TACSTD2: variants seen among roughly 807,000 people sequenced by gnomAD.
TACSTD2 encodes tumor-associated calcium signal transducer 2.
Under a neutral mutation model 7.9 loss-of-function variants are expected in TACSTD2, and 6 were observed. The ratio of observed to expected loss-of-function variants is 0.76; its 90% confidence interval spans 0.42 to 1.50. TACSTD2 has a LOEUF of 1.50. Ranked by LOEUF, TACSTD2 falls within the 40% of genes most tolerant of loss-of-function variation. The pLI, the probability that TACSTD2 is intolerant of heterozygous loss-of-function variation, is 0.01. For synonymous variants in TACSTD2, 220 were observed against 225.5 expected (o/e 0.98, Z 0.22); for missense variants, 511 against 471.2 (o/e 1.08, Z -0.78).
Position 58,576,053 on chromosome 1 carries a change from G to C in TACSTD2, c.*132C>G, listed in dbSNP as rs1400854547. 3.0e-5 allele frequency: 34 copies of C among 1,142,234 alleles called. No individual in the cohort carries two copies. Among genetic ancestry groups the C allele is most frequent in the Non-Finnish European group, 4.1e-5 (34 of 821,224 alleles). The allele number at this position is 1,142,234 out of a possible 1,614,324, so 70.8% of individuals were successfully genotyped here. A position where few individuals can be genotyped will look rare whatever the true frequency, so the allele number is the denominator to read the frequency against. ...TATTAAACCTGGTGTGTGCGCAAAA[G>C]GGAGGGGGAAGGCAGGAATTTGAAA... On this transcript the variant is annotated 3_prime_UTR_variant, in exon 1 of 1. Coordinates refer to ENST00000371225, the MANE Select transcript of TACSTD2 (RefSeq NM_002353.3).
Position 58,576,509 on chromosome 1 carries a change from G to C in TACSTD2, c.648C>G (p.Asp216Glu). The C allele has an allele frequency of 1.2e-6, 2 of 1,612,466 alleles. No individual in the cohort carries two copies. The highest frequency in any genetic ancestry group is 1.1e-5 in the South Asian group (1 of 90,804). ...AGTAGGCGGCATCGCCGATATCCACGTCACCGGCGGCCTTCTGAGACGTGT... is the reference window on the plus strand; with the variant it reads ...AGTAGGCGGCATCGCCGATATCCACCTCACCGGCGGCCTTCTGAGACGTGT... ...RQNTSQKAAG[D>E]VDIGDAAYYF... The change falls in exon 1 of 1, where the codon GAC becomes GAG. Residue 216 changes from aspartate to glutamate, a missense_variant. Asp to Glu is a conservative substitution (Grantham distance 45). Transcript: ENST00000371225.
Position 58,576,151 on chromosome 1 carries a change from G to A in TACSTD2, c.*34C>T, listed in dbSNP as rs777064392. ...TGGGTCTGGGACGATACCGAAATCC[G>A]GTACCCCACCCCATCCCCTGCCCCG... On this transcript the variant is annotated 3_prime_UTR_variant, in exon 1 of 1. Coordinates refer to ENST00000371225, the MANE Select transcript of TACSTD2 (RefSeq NM_002353.3). The A allele has an allele frequency of 9.3e-6, 15 of 1,606,338 alleles. No homozygotes were observed. In the Admixed American group the frequency reaches 2.4e-4, roughly 25 times the overall value.
Position 58,576,029 on chromosome 1 carries a change from A to G in TACSTD2, c.*156T>C, listed in dbSNP as rs2100529291. On this transcript the variant is annotated 3_prime_UTR_variant, in exon 1 of 1. Transcript: ENST00000371225. The stretch of plus-strand genomic sequence containing the variant: ...AAAGGAGACCCTGAGGCCAGGATCT[A>G]TTAAACCTGGTGTGTGCGCAAAAGG... 1 of 891,064 alleles carries G rather than the reference A, an allele frequency of 1.1e-6. No homozygotes were observed. The highest frequency in any genetic ancestry group is 1.7e-6 in the Non-Finnish European group (1 of 598,236). 55.2% of individuals were successfully genotyped at this position (891,064 alleles called of 1,614,324 possible). A position where few individuals can be genotyped will look rare whatever the true frequency, so the allele number is the denominator to read the frequency against.
chr1:58,576,138 G>C lies in TACSTD2; in HGVS notation c.*47C>G, dbSNP rs368245503. ...AGCGTGACTCACTTGGGTCTGGGAC[G>C]ATACCGAAATCCGGTACCCCACCCC... On this transcript the variant is annotated 3_prime_UTR_variant, in exon 1 of 1. Transcript: ENST00000371225. The C allele has an allele frequency of 1.9e-6, 3 of 1,599,184 alleles. No homozygotes were observed. The highest frequency in any genetic ancestry group is 2.6e-6 in the Non-Finnish European group (3 of 1,173,488).
chr1:58,576,694 G>A lies in TACSTD2; in HGVS notation c.463C>T (p.Leu155Phe). 1.2e-6 allele frequency: 2 copies of A among 1,601,918 alleles called. No homozygotes were observed. Among genetic ancestry groups the A allele is most frequent in the Non-Finnish European group, 1.7e-6 (2 of 1,178,804 alleles). ...CDELVRTHHI[L>F]IDLRHRPTAG... ...GTGGGGCGGTGGCGCAGGTCAATGA[G>A]GATGTGGTGGGTGCGCACCAGCTCA... The change falls in exon 1 of 1, where the codon CTC becomes TTC. Residue 155 changes from leucine (L) to phenylalanine (F), a missense_variant. Transcript: ENST00000371225.
chr1:58,575,882 A>G lies in TACSTD2; in HGVS notation c.*303T>C. On this transcript the variant is annotated 3_prime_UTR_variant, in exon 1 of 1. Transcript: ENST00000371225. ...AACGATCCCGGGTTGTCATACAGAT[A>G]CTTGTTTTTTACACATAACGCTATG... 2.6e-6 allele frequency: 1 copy of G among 384,384 alleles called. No homozygotes were observed. The highest frequency in any genetic ancestry group is 4.7e-6 in the Non-Finnish European group (1 of 212,184). 23.8% of individuals were successfully genotyped at this position (384,384 alleles called of 1,614,324 possible). A position where few individuals can be genotyped will look rare whatever the true frequency, so the allele number is the denominator to read the frequency against.
chr1:58,576,674 G>A lies in TACSTD2; in HGVS notation c.483C>T (p.Arg161=), dbSNP rs1389396159. The A allele has an allele frequency of 4.4e-6, 7 of 1,602,474 alleles. No homozygotes were observed. The highest frequency in any genetic ancestry group is 5.9e-6 in the Non-Finnish European group (7 of 1,177,108). Residue 161 remains arginine, a synonymous_variant, in exon 1 of 1, where the codon CGC becomes CGT. Coordinates refer to ENST00000371225, the MANE Select transcript of TACSTD2 (RefSeq NM_002353.3). The part of the protein sequence containing the change: ...THHILIDLRH[R]PTAGAFNHSD... ...AGTGGTTGAAGGCGCCGGCGGTGGGGCGGTGGCGCAGGTCAATGAGGATGT... is the reference window on the plus strand; with the variant it reads ...AGTGGTTGAAGGCGCCGGCGGTGGGACGGTGGCGCAGGTCAATGAGGATGT...
chr1:58,576,288 G>C lies in TACSTD2; in HGVS notation c.869C>G (p.Ala290Gly), dbSNP rs777523399. ...VIVVVVVALV[A>G]GMAVLVITNR... ...GGTGATCACCAGGACGGCCATGCCG[G>C]CGACGAGGGCCACCACGACCACCAC... Residue 290 changes from alanine to glycine, a missense_variant, in exon 1 of 1, where the codon GCC becomes GGC. Physicochemically the swap from Ala to Gly is moderately conservative, Grantham distance 60. Coordinates refer to ENST00000371225, the MANE Select transcript of TACSTD2 (RefSeq NM_002353.3). The C allele has an allele frequency of 1.2e-6, 2 of 1,613,288 alleles. No individual in the cohort carries two copies. The highest frequency in any genetic ancestry group is 2.2e-5 in the South Asian group (2 of 90,942).
rs1194784377 is a variant in TACSTD2, at chr1:58,575,705, T to C, written c.*480A>G. 4 of 165,694 alleles carry C rather than the reference T, an allele frequency of 2.4e-5. No homozygotes were observed. The South Asian group carries it at 6.1e-4, about 25-fold the overall frequency. The allele number at this position is 165,694 out of a possible 1,614,324, so 10.3% of individuals were successfully genotyped here. A position where few individuals can be genotyped will look rare whatever the true frequency, so the allele number is the denominator to read the frequency against. On this transcript the variant is annotated 3_prime_UTR_variant, in exon 1 of 1. Transcript: ENST00000371225. Reference sequence around the variant, plus strand: ...AACGATGGTAAATGAGGCTACTACATAGGCCCAGTTAACAAACTCCTCTTC... The same window carrying C: ...AACGATGGTAAATGAGGCTACTACACAGGCCCAGTTAACAAACTCCTCTTC...
Position 58,576,656 on chromosome 1 carries a change from GAA to G in TACSTD2, c.499_500del (p.Phe167GlnfsTer49). 1 of 1,605,586 alleles carries G rather than the reference GAA, an allele frequency of 6.2e-7. No homozygotes were observed. The highest frequency in any genetic ancestry group is 1.3e-5 in the African/African-American group (1 of 74,998). ...DLRHRPTAGA[F>X]NHSDLDAELR... Reference sequence around the variant, plus strand: ...GCTCGGCGTCCAGGTCTGAGTGGTTGAAGGCGCCGGCGGTGGGGCGGTGGCGC... The same window carrying G: ...GCTCGGCGTCCAGGTCTGAGTGGTTGGGCGCCGGCGGTGGGGCGGTGGCGC... On this transcript the variant is annotated frameshift_variant, in exon 1 of 1. Transcript: ENST00000371225. LOFTEE classifies it high-confidence loss of function.
At position 58,575,925 on chromosome 1, in the gene TACSTD2, G is replaced by T; in HGVS notation, c.*260C>A. The T allele has an allele frequency of 1.9e-6, 1 of 529,262 alleles. No homozygotes were observed. The highest frequency in any genetic ancestry group is 3.2e-5 in the East Asian group (1 of 30,890). The allele number at this position is 529,262 out of a possible 1,614,324, so 32.8% of individuals were successfully genotyped here. A position where few individuals can be genotyped will look rare whatever the true frequency, so the allele number is the denominator to read the frequency against. ...ACGCTATGCCATCCCTTCCTTCACT[G>T]CCCCAGTCAGGTTTCCTGTTGTTGG... On this transcript the variant is annotated 3_prime_UTR_variant, in exon 1 of 1. Coordinates refer to ENST00000371225, the MANE Select transcript of TACSTD2 (RefSeq NM_002353.3).
chr1:58,576,748 C>T lies in TACSTD2; in HGVS notation c.409G>A (p.Asp137Asn), dbSNP rs1388590464. The T allele has an allele frequency of 5.0e-6, 8 of 1,599,472 alleles. No homozygotes were observed. The highest frequency in any genetic ancestry group is 3.3e-4 in the Middle Eastern group (2 of 6,078). ...CAGCGTAGGCTCAGGTCGCCCTTGT[C>T]CGTGCGGCGCACGCCCACCGAGTTC... ...CVNSVGVRRT[D>N]KGDLSLRCDE... is the part of the protein sequence containing the mutation. Residue 137 changes from aspartate (D) to asparagine (N), a missense_variant, in exon 1 of 1, where the codon GAC becomes AAC. Transcript: ENST00000371225.
rs1228512657 is a variant in TACSTD2, at chr1:58,576,495, T to C, written c.662A>G (p.Asp221Gly). ...GTCCCTCTCGAAGTAGTAGGCGGCATCGCCGATATCCACGTCACCGGCGGC... is the reference window on the plus strand; with the variant it reads ...GTCCCTCTCGAAGTAGTAGGCGGCACCGCCGATATCCACGTCACCGGCGGC... ...QKAAGDVDIG[D>G]AAYYFERDIK... Residue 221 changes from aspartate (D) to glycine (G), a missense_variant, in exon 1 of 1, where the codon GAT (aspartate) becomes GGT (glycine). Transcript: ENST00000371225. 1 of 1,613,352 alleles carries C rather than the reference T, an allele frequency of 6.2e-7. No homozygotes were observed. The highest frequency in any genetic ancestry group is 1.3e-5 in the African/African-American group (1 of 75,042).
Position 58,575,659 on chromosome 1 carries a change from G to A in TACSTD2, c.*526C>T, listed in dbSNP as rs980774408. ...AAACAGGCTTCTTTCCCAGTGACAA[G>A]CATATGTGGTCAGTAATACAAACGA... On this transcript the variant is annotated 3_prime_UTR_variant, in exon 1 of 1. Coordinates refer to ENST00000371225, the MANE Select transcript of TACSTD2 (RefSeq NM_002353.3). 2 of 153,246 alleles carry A rather than the reference G, an allele frequency of 1.3e-5. No individual in the cohort carries two copies. Among genetic ancestry groups the A allele is most frequent in the Admixed American group, 6.5e-5 (1 of 15,414 alleles). 9.5% of individuals were successfully genotyped at this position (153,246 alleles called of 1,614,324 possible). A position where few individuals can be genotyped will look rare whatever the true frequency, so the allele number is the denominator to read the frequency against.
rs979524636 is a variant in TACSTD2 at position 58,575,610 on chromosome 1, A to C, written c.*575T>G. 1 of 152,802 alleles carries C rather than the reference A, an allele frequency of 6.5e-6. No homozygotes were observed. Among genetic ancestry groups the C allele is most frequent in the Non-Finnish European group, 1.5e-5 (1 of 68,500 alleles). The allele number at this position is 152,802 out of a possible 1,614,324, so 9.5% of individuals were successfully genotyped here. ...CCGGGCAATGTCTGTCCTCAAAGAC[A>C]TCCAAACTGCGTTCAGGCAGCTGAA... On this transcript the variant is annotated 3_prime_UTR_variant, in exon 1 of 1. Transcript: ENST00000371225.
In TACSTD2 at chr1:58,576,322, C is replaced by T. The variant is rs986826713; in HGVS notation, c.835G>A (p.Ala279Thr). The T allele has an allele frequency of 3.7e-6, 6 of 1,613,004 alleles. No individual in the cohort carries two copies. In the East Asian group the frequency reaches 6.7e-5, roughly 18 times the overall value. The change falls in exon 1 of 1, where the codon GCC (alanine) becomes ACC (threonine). Residue 279 changes from alanine (A) to threonine (T), a missense_variant. Coordinates refer to ENST00000371225, the MANE Select transcript of TACSTD2 (RefSeq NM_002353.3). The stretch of plus-strand genomic sequence containing the variant: ...GCCACCACGACCACCACGATGACGG[C>T]GATGAGGCCGGCGGTGAGGCGCTTC... ...SMKRLTAGLIAVIVVVVVALV... is the reference protein window; with the variant it reads ...SMKRLTAGLITVIVVVVVALV...
Position 58,576,502 on chromosome 1 carries a change from T to G in TACSTD2, c.655A>C (p.Ile219Leu), listed in dbSNP as rs371476877. ...TCGAAGTAGTAGGCGGCATCGCCGA[T>G]ATCCACGTCACCGGCGGCCTTCTGA... is the stretch of plus-strand genomic sequence containing the variant. ...TSQKAAGDVD[I>L]GDAAYYFERD... is the part of the protein sequence containing the mutation. Residue 219 changes from isoleucine (I) to leucine (L), a missense_variant, in exon 1 of 1, where the codon ATC (isoleucine) becomes CTC (leucine). By Grantham distance (5) the Ile-to-Leu change is conservative. Transcript: ENST00000371225. 3.7e-5 allele frequency: 60 copies of G among 1,613,132 alleles called. No homozygotes were observed. Among genetic ancestry groups the G allele is most frequent in the Non-Finnish European group, 4.9e-5 (58 of 1,179,750 alleles).
chr1:58,576,756 C>A lies in TACSTD2; in HGVS notation c.401G>T (p.Arg134Leu). 6.3e-7 allele frequency: 1 copy of A among 1,598,918 alleles called. No individual in the cohort carries two copies. Among genetic ancestry groups the A allele is most frequent in the Non-Finnish European group, 8.5e-7 (1 of 1,178,760 alleles). The change falls in exon 1 of 1, where the codon CGC (arginine) becomes CTC (leucine). Residue 134 changes from arginine to leucine, a missense_variant. Physicochemically the swap from Arg to Leu is moderately radical, Grantham distance 102 (BLOSUM62 -2). Transcript: ENST00000371225. ...GCTCAGGTCGCCCTTGTCCGTGCGG[C>A]GCACGCCCACCGAGTTCACGCACCA... is the stretch of plus-strand genomic sequence containing the variant. Reference protein sequence around the residue: ...VCWCVNSVGVRRTDKGDLSLR... With the variant: ...VCWCVNSVGVLRTDKGDLSLR...
Position 58,577,132 on chromosome 1 carries a change from G to C in TACSTD2, c.25C>G (p.Pro9Ala). Residue 9 changes from proline (P) to alanine (A), a missense_variant, in exon 1 of 1, where the codon CCG becomes GCG. Physicochemically the swap from Pro to Ala is conservative, Grantham distance 27. Transcript: ENST00000371225. ...AGCAGCGGCAGCCGCAGCGGTGGCG[G>C]CGCGAGGCCGGGGCCCCGAGCCATG... MARGPGLA[P>A]PPLRLPLLLL... 1 of 1,394,724 alleles carries C rather than the reference G, an allele frequency of 7.2e-7. No individual in the cohort carries two copies. The highest frequency in any genetic ancestry group is 9.2e-7 in the Non-Finnish European group (1 of 1,085,912). The allele number at this position is 1,394,724 out of a possible 1,614,324, so 86.4% of individuals were successfully genotyped here.
Sources: gnomAD v4.1 joint callset for allele counts on GRCh38, gnomAD v4.1.1 for gene constraint, MANE v1.5 for transcripts, NCBI Gene and HGNC (gene_info 2026-07-23, HGNC 2026-07-21) for gene names.